The following DPYD variants were observed in gnomAD, a reference collection of about 807,000 sequenced individuals.
DPYD encodes the protein dihydropyrimidine dehydrogenase [NADP(+)].
A neutral mutation model predicts 116.2 loss-of-function variants in DPYD; 109 were observed. The observed-to-expected ratio is 0.94, with a 90% CI of 0.80 to 1.10. The LOEUF (loss-of-function observed/expected upper bound fraction) is 1.10, where lower values mean the gene tolerates loss of function less well. Ranked by LOEUF, DPYD falls within the 50% of genes least tolerant of loss-of-function variation. DPYD has a pLI of 0.00. For missense variants in DPYD, 1,302 were observed against 1,254.5 expected, an observed-to-expected ratio of 1.04 and a Z score of -0.57; for synonymous variants, 440 against 432.0, an observed-to-expected ratio of 1.02 and a Z score of -0.23.
At chr1:97,377,985 G>A (rs1196738061) in intron 15 of DPYD, among the ~76,000 whole-genome samples, 2 of 152,244 alleles carry the variant, frequency 1.3e-5, no homozygotes, top group Non-Finnish European at 2.9e-5. Context: ...ACTGGGGCAT[G>A]AAAGGCACAG....
rs554880984 is a variant in DPYD at position 97,810,332 on chromosome 1, G to A, written c.233+17782C>T. On this transcript the variant is annotated intron_variant, in intron 3 of 22. Coordinates refer to ENST00000370192, the MANE Select transcript of DPYD (RefSeq NM_000110.4). Reference sequence around the variant, plus strand: ...GAAGCATCAACGGGAAATAAAAAGGGCACTTACCCATCTCGCTTAATACAA... The same window carrying A: ...GAAGCATCAACGGGAAATAAAAAGGACACTTACCCATCTCGCTTAATACAA... Among the ~76,000 whole-genome samples the A allele has an allele frequency of 1.4e-4, 21 of 150,832 alleles. No individual in the cohort carries two copies. The South Asian group carries it at 1.5e-3, about 11-fold the overall frequency.
At chr1:97,917,306 C>A (rs72981739) in intron 1 of DPYD, among the ~76,000 whole-genome samples, 53 of 152,286 alleles carry the variant, frequency 3.5e-4, no homozygotes, top group African/African-American at 1.2e-3. Context: ...TCCTCCCCAG[C>A]AGCAAAGGCA....
chr1:97,845,497 G>A (rs1670249108), intron 2 of DPYD, among the ~76,000 whole-genome samples: 1 of 152,158 alleles, frequency 6.6e-6, no homozygotes, highest in Non-Finnish European at 1.5e-5. Flanking sequence ...CCTGCCTGTG[G>A]AAAGCTGCTA....
At chr1:97,525,895 CGTGTGT>C (rs34460898) in intron 12 of DPYD, among the ~76,000 whole-genome samples, 2 of 127,190 alleles carry the variant, frequency 1.6e-5, no homozygotes, top group African/African-American at 6.4e-5. Context: ...TGCGCGCGCG[CGTGTGT>C]GTGTGTGTGT....
chr1:97,476,513 A>G (rs1165627353), intron 13 of DPYD, among the ~76,000 whole-genome samples: 2 of 152,200 alleles, frequency 1.3e-5, no homozygotes, highest in Admixed American at 1.3e-4. Flanking sequence ...TTAATGATAA[A>G]ACTATGCACT....
chr1:97,759,068 G>T (rs1368922672), intron 3 of DPYD, among the ~76,000 whole-genome samples: 1 of 152,094 alleles, frequency 6.6e-6, no homozygotes, highest in African/African-American at 2.4e-5. Context: ...TACATGGTTT[G>T]CTGGTGTTCA....
chr1:97,233,114 T>G (rs1428267096), intron 19 of DPYD, among the ~76,000 whole-genome samples: 5 of 152,178 alleles, frequency 3.3e-5, no homozygotes, highest in African/African-American at 1.2e-4. Flanking sequence ...CCAGGTATCT[T>G]ACTTGGCTTT....
intron 19 of DPYD, among the ~76,000 whole-genome samples, chr1:97,228,431 ATCTT>A (rs1477565261): frequency 1.3e-5 from 2 of 152,142 alleles, no homozygotes; most frequent in Admixed American, 1.3e-4. Context: ...TTGAGTGTAA[ATCTT>A]TATTTTAGCA....
At chr1:97,518,186 TAC>T (rs59460571) in intron 12 of DPYD, among the ~76,000 whole-genome samples, 10 of 150,934 alleles carry the variant, frequency 6.6e-5, no homozygotes, top group African/African-American at 1.7e-4. Context: ...AATAATAAAA[TAC>T]ACACACACAC....
intron 1 of DPYD, among the ~76,000 whole-genome samples, chr1:97,917,332 G>T (rs1031747488): frequency 6.6e-6 from 1 of 152,142 alleles, no homozygotes; most frequent in African/African-American, 2.4e-5. Context: ...GATAAAAGAT[G>T]TTCTGAAAAT....
intron 1 of DPYD, among the ~76,000 whole-genome samples, chr1:97,903,949 G>A (rs747611139): frequency 1.3e-5 from 2 of 151,920 alleles, no homozygotes; most frequent in Non-Finnish European, 2.9e-5. Context: ...ATGGAGAGGG[G>A]TGAGGTGAAA....
chr1:97,093,544 T>A (rs1239704825), intron 21 of DPYD, among the ~76,000 whole-genome samples: 5 of 152,198 alleles, frequency 3.3e-5, no homozygotes, highest in Non-Finnish European at 5.9e-5. Context: ...TCACACATCA[T>A]CTAATTTATA....
At chr1:97,243,099 T>C (rs566518953) in intron 18 of DPYD, among the ~76,000 whole-genome samples, 14 of 151,988 alleles carry the variant, frequency 9.2e-5, no homozygotes, top group Admixed American at 3.9e-4. Context: ...TGATGGCTAC[T>C]TGACAGCAAG....
chr1:97,319,270 T>C (rs1012391976), intron 16 of DPYD, among the ~76,000 whole-genome samples: 5 of 150,408 alleles, frequency 3.3e-5, no homozygotes, highest in African/African-American at 1.2e-4. Context: ...AAAAAACCCT[T>C]CAAAAAATCA....
At chr1:97,704,371 T>C (rs1661780514) in intron 5 of DPYD, among the ~76,000 whole-genome samples, 2 of 151,824 alleles carry the variant, frequency 1.3e-5, no homozygotes, top group Non-Finnish European at 2.9e-5. Flanking sequence ...TAAATTAAAA[T>C]AACTAATATT....
At chr1:97,453,930 G>A (rs978601379) in intron 13 of DPYD, among the ~76,000 whole-genome samples, 3 of 151,954 alleles carry the variant, frequency 2.0e-5, no homozygotes, top group Admixed American at 6.6e-5. Flanking sequence ...AATAGAGAAT[G>A]TTTATTTAAA....
chr1:97,715,989 G>A (rs113071045), intron 5 of DPYD, among the ~76,000 whole-genome samples: 8 of 152,038 alleles, frequency 5.3e-5, no homozygotes, highest in Admixed American at 2.0e-4. Context: ...AGTAATATTT[G>A]CTCTATTAAA....
intron 14 of DPYD, 127 bp from the exon 15 acceptor site, chr1:97,382,588 AAAT>A: frequency 1.9e-6 from 1 of 519,656 alleles, no homozygotes; most frequent in Admixed American, 3.9e-5. Flanking sequence ...AACTGTGAAA[AAAT>A]AAATCATTAG....
At position 97,565,897 on chromosome 1, in the gene DPYD, A is replaced by T. The variant is rs72732318; in HGVS notation, c.1339+7863T>A. The stretch of plus-strand genomic sequence containing the variant: ...GAAATACAAATGAAAAATTCAGACC[A>T]TCATTTACGAAGATGAGAACATGCA... On this transcript the variant is annotated intron_variant, in intron 11 of 22. Coordinates refer to ENST00000370192, the MANE Select transcript of DPYD (RefSeq NM_000110.4). Among the ~76,000 whole-genome samples the T allele has an allele frequency of 4.3e-3, 659 of 152,334 alleles. 10 individuals are homozygous for T. Among genetic ancestry groups the T allele is most frequent in the African/African-American group, 0.015 (626 of 41,574 alleles).
Sources: gnomAD v4.1 joint callset for allele counts (sites outside exome capture counted in the v4.1 genomes callset) on GRCh38, gnomAD v4.1.1 for gene constraint, MANE v1.5 for transcripts, NCBI Gene and HGNC (gene_info 2026-07-23, HGNC 2026-07-21) for gene names.